MEI1: variants seen among roughly 807,000 people sequenced by gnomAD.
The protein encoded by MEI1 is meiotic double-stranded break formation protein 1, also known as meiosis inhibitor protein 1.
A neutral mutation model predicts 146.2 loss-of-function variants in MEI1; 103 were observed. The observed-to-expected ratio is 0.70, with a 90% CI of 0.60 to 0.83. The LOEUF (loss-of-function observed/expected upper bound fraction) is 0.83. MEI1 is among the 40% of genes least tolerant of loss of function. The probability of loss-of-function intolerance (pLI) is 0.00; values close to 1 mark genes in which losing one functional copy is unlikely to be tolerated. For synonymous variants in MEI1, 652 were observed against 628.2 expected (o/e 1.04, Z -0.57); for missense variants, 1,529 against 1,533.0 (o/e 1.00, Z 0.04).
At chr22:41,789,891 C>G (rs993238324) in intron 26 of MEI1, among the ~76,000 whole-genome samples, 40 of 152,122 alleles carry the variant, frequency 2.6e-4, no homozygotes, top group African/African-American at 8.9e-4. Context: ...CAGTGACTGC[C>G]CTATAATTGC....
At chr22:41,755,740 T>C (rs371106632) in intron 17 of MEI1, among the ~76,000 whole-genome samples, 5 of 152,196 alleles carry the variant, frequency 3.3e-5, no homozygotes, top group Non-Finnish European at 5.9e-5. Context: ...GGCAGGTGGA[T>C]GTGTGTGGCT....
chr22:41,786,279 C>G (rs1049162124), intron 26 of MEI1, among the ~76,000 whole-genome samples: 1 of 152,186 alleles, frequency 6.6e-6, no homozygotes, highest in Non-Finnish European at 1.5e-5. Context: ...CTCCTGGCCT[C>G]AAGTGATCCT....
chr22:41,743,338 A>G (rs1018447333), intron 12 of MEI1, 144 bp downstream of exon 12: 10 of 575,840 alleles, frequency 1.7e-5, no homozygotes, highest in African/African-American at 1.3e-4. Flanking sequence ...CTTTTTCCCT[A>G]ATAGCAGAAC....
Position 41,778,825 on chromosome 22 carries a change from C to T in MEI1, c.2815+13C>T, listed in dbSNP as rs1356738826. On this transcript the variant is annotated intron_variant, in intron 22 of 30. Coordinates refer to ENST00000401548, the MANE Select transcript of MEI1 (RefSeq NM_152513.4). Reference sequence around the variant, plus strand: ...CTCCTTCACCAAGGTGCCCTGGCTGCTTGGGATAGCGCCCAAGGGCCCAGG... The same window carrying T: ...CTCCTTCACCAAGGTGCCCTGGCTGTTTGGGATAGCGCCCAAGGGCCCAGG... 6.3e-7 allele frequency: 1 copy of T among 1,584,634 alleles called. No individual in the cohort carries two copies. The highest frequency in any genetic ancestry group is 1.1e-5 in the South Asian group (1 of 87,010).
At chr22:41,797,454 A>G (rs935595841) in intron 30 of MEI1, among the ~76,000 whole-genome samples, 3 of 152,138 alleles carry the variant, frequency 2.0e-5, no homozygotes, top group African/African-American at 7.2e-5. Context: ...TCTACTAAAA[A>G]TACAAAAATT....
chr22:41,756,397 A>G (rs1316245679), intron 17 of MEI1, among the ~76,000 whole-genome samples: 1 of 151,850 alleles, frequency 6.6e-6, no homozygotes, highest in African/African-American at 2.4e-5. Flanking sequence ...TTGGACTCCA[A>G]AGTGCTAGGA....
chr22:41,760,111 C>T (rs1428722159), intron 18 of MEI1, among the ~76,000 whole-genome samples: 3 of 151,892 alleles, frequency 2.0e-5, no homozygotes, highest in Non-Finnish European at 4.4e-5. Flanking sequence ...AGATCGAGAC[C>T]ATCATGGCTA....
intron 15 of MEI1, among the ~76,000 whole-genome samples, chr22:41,750,906 C>T (rs1017559939): frequency 6.6e-6 from 1 of 152,136 alleles, no homozygotes; most frequent in African/African-American, 2.4e-5. Flanking sequence ...TTCCTGCCTG[C>T]CATACTTCCG....
chr22:41,780,756 A>AT (rs1406843202), intron 22 of MEI1, among the ~76,000 whole-genome samples: 2 of 151,112 alleles, frequency 1.3e-5, no homozygotes, highest in Non-Finnish European at 3.0e-5. Context: ...AATTTTTTGT[A>AT]TTTTTTTGTG....
chr22:41,716,355 C>CTTTTTTTTTTTTTTTTTTTTTTTTT (rs6147630), intron 5 of MEI1, among the ~76,000 whole-genome samples: 1 of 118,582 alleles, frequency 8.4e-6, no homozygotes, highest in African/African-American at 3.3e-5. Flanking sequence ...TCCATTCATT[C>CTTTTTTTTTTTTTTTTTTTTTTTTT]TTTTTTTTTT....
At chr22:41,744,349 T>C (rs112603305) in intron 12 of MEI1, among the ~76,000 whole-genome samples, 1,940 of 152,100 alleles carry the variant, frequency 0.013, 18 homozygotes, top group Non-Finnish European at 0.022. Context: ...TTTTTTTGTA[T>C]TTTTAGTAGA....
intron 21 of MEI1, among the ~76,000 whole-genome samples, chr22:41,777,781 G>A (rs538622970): frequency 6.6e-6 from 1 of 152,212 alleles, no homozygotes; most frequent in Non-Finnish European, 1.5e-5. Flanking sequence ...TCTGGTGAAG[G>A]CCTACTTCCT....
At chr22:41,746,515 T>C (rs1020547205) in intron 14 of MEI1, among the ~76,000 whole-genome samples, 1 of 152,164 alleles carries the variant, frequency 6.6e-6, no homozygotes, top group Admixed American at 6.5e-5. Flanking sequence ...CATGTATGTG[T>C]GTTCTGTAAA....
At chr22:41,702,953 C>T (rs972878398) in intron 1 of MEI1, among the ~76,000 whole-genome samples, 1 of 151,778 alleles carries the variant, frequency 6.6e-6, no homozygotes, top group Non-Finnish European at 1.5e-5. Flanking sequence ...CTCTTGAGCT[C>T]GTGATACGCC....
intron 17 of MEI1, 56 bp downstream of exon 17, chr22:41,754,102 G>T: frequency 7.6e-7 from 1 of 1,308,356 alleles, no homozygotes; most frequent in East Asian, 2.3e-5. Flanking sequence ...TAGAGTCTGG[G>T]TGCCTTGCTG....
chr22:41,714,474 G>A (rs192121212), intron 4 of MEI1, among the ~76,000 whole-genome samples: 1 of 152,256 alleles, frequency 6.6e-6, no homozygotes, highest in African/African-American at 2.4e-5. Context: ...TACTGAAGGT[G>A]TTTGGTTCTA....
chr22:41,784,387 A>G lies in MEI1; in HGVS notation c.3136A>G (p.Ser1046Gly). The G allele has an allele frequency of 1.2e-6, 2 of 1,613,998 alleles. No homozygotes were observed. The highest frequency in any genetic ancestry group is 1.1e-5 in the South Asian group (1 of 91,088). ...VEMDQVLKAL[S>G]FPKKKAALLS... The stretch of plus-strand genomic sequence containing the variant: ...AATGGACCAAGTATTGAAGGCTCTC[A>G]GCTTTCCAAAGAAAAAGGCTGCACT... Residue 1046 changes from serine (S) to glycine (G), a missense_variant, in exon 25 of 31, where the codon AGC (serine) becomes GGC (glycine). Transcript: ENST00000401548.
intron 17 of MEI1, among the ~76,000 whole-genome samples, chr22:41,756,193 T>C (rs577112788): frequency 1.1e-4 from 16 of 150,992 alleles, no homozygotes; most frequent in Middle Eastern, 3.5e-3. Flanking sequence ...AGGCTGGAGT[T>C]GAGTGATGTC....
chr22:41,752,907 G>T (rs1476984663), intron 16 of MEI1, among the ~76,000 whole-genome samples: 1 of 152,172 alleles, frequency 6.6e-6, no homozygotes, highest in East Asian at 1.9e-4. Context: ...GAGGCCTGGT[G>T]CAGTGGCTCA....
Sources: allele counts gnomAD v4.1 joint callset (sites outside exome capture counted in the v4.1 genomes callset), GRCh38; gene constraint gnomAD v4.1.1; transcripts MANE v1.5; gene names NCBI Gene and HGNC (gene_info 2026-07-23, HGNC 2026-07-21).